The following TMEM63C variants were observed in gnomAD, a reference collection of about 807,000 sequenced individuals.
TMEM63C encodes transmembrane protein 63C, also known as osmosensitive cation channel TMEM63C.
A neutral mutation model predicts 99.2 loss-of-function variants in TMEM63C; 32 were observed. The observed-to-expected ratio is 0.32, with a 90% CI of 0.24 to 0.43. The LOEUF is 0.43. Among genes scored for constraint, TMEM63C ranks in the 20% least tolerant of loss-of-function variants. The probability of loss-of-function intolerance (pLI) is 1.00; values close to 1 mark genes in which losing one functional copy is unlikely to be tolerated. For synonymous variants in TMEM63C, 376 were observed against 397.9 expected, an observed-to-expected ratio of 0.94 and a Z score of 0.66; for missense variants, 826 against 1,053.0, an observed-to-expected ratio of 0.78 and a Z score of 2.98.
At position 77,257,676 on chromosome 14, in the gene TMEM63C, A is replaced by T. The variant is rs761696851; in HGVS notation, c.*950A>T. 5 of 152,210 alleles carry T rather than the reference A, an allele frequency of 3.3e-5. No individual in the cohort carries two copies. Among genetic ancestry groups the T allele is most frequent in the Non-Finnish European group, 4.4e-5 (3 of 68,074 alleles). 9.4% of individuals were successfully genotyped at this position (152,210 alleles called of 1,614,324 possible). On this transcript the variant is annotated 3_prime_UTR_variant, in exon 24 of 24. Transcript: ENST00000298351. ...AAAAGCGTCTCCTGCCTCCTACCCA[A>T]CTGAGTGCCTGGGCCCCCAGCTTGG...
In TMEM63C at chr14:77,244,232, C is replaced by T. The variant is rs1889231716; in HGVS notation, c.1342-117C>T. Reference sequence around the variant, plus strand: ...GAAAGCCAGTGAGAAGGGCCAGGCCCCTTGCAGCCTCCAGGAGAGCAAGCC... The same window carrying T: ...GAAAGCCAGTGAGAAGGGCCAGGCCTCTTGCAGCCTCCAGGAGAGCAAGCC... On this transcript the variant is annotated intron_variant, in intron 15 of 23. Transcript: ENST00000298351. The T allele has an allele frequency of 7.7e-6, 6 of 775,566 alleles. No homozygotes were observed. The East Asian group carries it at 1.5e-4, about 19-fold the overall frequency. 48.0% of individuals were successfully genotyped at this position (775,566 alleles called of 1,614,324 possible). A position where few individuals can be genotyped will look rare whatever the true frequency, so the allele number is the denominator to read the frequency against.
At chr14:77,227,348 T>C (rs449773) in intron 6 of TMEM63C, among the ~76,000 whole-genome samples, 96,412 of 151,886 alleles carry the variant, frequency 0.63, 33,586 homozygotes, top group Non-Finnish European at 0.77. Context: ...CTACAGTCAG[T>C]AGGTTGTGGC....
At chr14:77,239,842 G>C in intron 12 of TMEM63C, 116 bp downstream of exon 12, 1 of 1,391,966 alleles carries the variant, frequency 7.2e-7, no homozygotes, top group South Asian at 1.4e-5. Context: ...CTGCTCTAGT[G>C]CTCCCCACCC....
At chr14:77,251,668 G>C in intron 21 of TMEM63C, 121 bp from the exon 22 acceptor site, 1 of 727,620 alleles carries the variant, frequency 1.4e-6, no homozygotes, top group Non-Finnish European at 2.4e-6. Context: ...GTTGTTATCA[G>C]AGGAGGACTG....
At chr14:77,224,323 A>G (rs364699) in intron 5 of TMEM63C, among the ~76,000 whole-genome samples, 31,241 of 151,832 alleles carry the variant, frequency 0.21, 3,256 homozygotes, top group Non-Finnish European at 0.22. Flanking sequence ...TCCCTGTGTC[A>G]GGTTGGCTGA....
chr14:77,212,866 G>C (rs565112601), intron 1 of TMEM63C, among the ~76,000 whole-genome samples: 36 of 152,334 alleles, frequency 2.4e-4, no homozygotes, highest in African/African-American at 8.2e-4. Flanking sequence ...TCCAAGCTTA[G>C]TGGCTGGGGC....
At chr14:77,237,302 G>A (rs759137522) in intron 9 of TMEM63C, among the ~76,000 whole-genome samples, 20 of 152,100 alleles carry the variant, frequency 1.3e-4, no homozygotes, top group South Asian at 8.3e-4. Context: ...CCCGTGCCTC[G>A]CCCTTCTGCA....
chr14:77,250,115 G>C (rs974754532), intron 21 of TMEM63C, among the ~76,000 whole-genome samples: 1 of 152,190 alleles, frequency 6.6e-6, no homozygotes, highest in African/African-American at 2.4e-5. Flanking sequence ...GATTATAAGC[G>C]TAAGCCGCCG....
intron 16 of TMEM63C, among the ~76,000 whole-genome samples, 195 bp from the exon 17 acceptor site, chr14:77,245,745 A>AC (rs1243672272): frequency 2.6e-5 from 4 of 152,028 alleles, no homozygotes; most frequent in Non-Finnish European, 5.9e-5. Context: ...GGAAAGACCC[A>AC]CCCCCCATAA....
chr14:77,246,532 C>A, intron 17 of TMEM63C, 77 bp from the exon 18 acceptor site: 1 of 1,266,256 alleles, frequency 7.9e-7, no homozygotes, highest in Non-Finnish European at 1.1e-6. Context: ...GGAGATTGGG[C>A]AAGGGAGGAT....
chr14:77,219,567 C>A lies in TMEM63C; in HGVS notation c.220C>A (p.His74Asn), dbSNP rs1292288610. 1 of 1,613,950 alleles carries A rather than the reference C, an allele frequency of 6.2e-7. No individual in the cohort carries two copies. Among genetic ancestry groups the A allele is most frequent in the Admixed American group, 1.7e-5 (1 of 60,030 alleles). The change falls in exon 4 of 24, where the codon CAC becomes AAC. Residue 74 changes from histidine to asparagine, a missense_variant. Coordinates refer to ENST00000298351, the MANE Select transcript of TMEM63C (RefSeq NM_020431.4). ...CTATGGGCGCCTGGCTCTGCTGATA[C>A]ACAATGACAGGTGAGGAGGGGTCGA... ...WDYGRLALLI[H>N]NDSLTSLIYG...
chr14:77,226,292 C>T (rs1420914407), intron 6 of TMEM63C, among the ~76,000 whole-genome samples: 1 of 152,174 alleles, frequency 6.6e-6, no homozygotes, highest in Non-Finnish European at 1.5e-5. Flanking sequence ...TGTCAGGGAC[C>T]CAGCATCTGG....
chr14:77,248,224 C>A, intron 18 of TMEM63C, 123 bp from the exon 19 acceptor site: 3 of 787,048 alleles, frequency 3.8e-6, no homozygotes, highest in South Asian at 3.6e-5. Context: ...TTCTCCTTGT[C>A]TGTATCTGTA....
intron 12 of TMEM63C, among the ~76,000 whole-genome samples, chr14:77,240,168 C>T (rs1889142047): frequency 6.6e-6 from 1 of 152,236 alleles, no homozygotes; most frequent in Non-Finnish European, 1.5e-5. Context: ...CCCAGAGATT[C>T]ACCCTCTCTC....
chr14:77,248,493 G>A lies in TMEM63C; in HGVS notation c.1748G>A (p.Arg583Lys), dbSNP rs777458181. ...TTCTTCTCTAGATCAGAGCCAGAGA[G>A]AGTCAACATCAGAAAGGTACAGACT... is the stretch of plus-strand genomic sequence containing the variant. Reference protein sequence around the residue: ...RLFFSRSEPERVNIRKNQAID... With the variant: ...RLFFSRSEPEKVNIRKNQAID... The change falls in exon 19 of 24, where the codon AGA becomes AAA. Residue 583 changes from arginine (R) to lysine (K), a missense_variant. By Grantham distance (26) the Arg-to-Lys change is conservative (BLOSUM62 2). Transcript: ENST00000298351. 1.0e-5 allele frequency: 16 copies of A among 1,588,180 alleles called. No individual in the cohort carries two copies. In the East Asian group the frequency reaches 2.1e-4, roughly 21 times the overall value.
At chr14:77,238,865 C>T (rs1889107508) in intron 10 of TMEM63C, 98 bp downstream of exon 10, 10 of 953,910 alleles carry the variant, frequency 1.0e-5, no homozygotes, top group Non-Finnish European at 1.5e-5. Context: ...GATGGTGGGA[C>T]TGGGACACCC....
At chr14:77,249,258 G>T (rs766929343) in intron 20 of TMEM63C, 33 bp from the exon 21 acceptor site, 2 of 1,609,874 alleles carry the variant, frequency 1.2e-6, no homozygotes, top group African/African-American at 2.7e-5. Flanking sequence ...ACTTGAAGGG[G>T]CCACTGAGTA....
chr14:77,217,412 T>C (rs1046223190), intron 2 of TMEM63C, among the ~76,000 whole-genome samples: 1 of 152,218 alleles, frequency 6.6e-6, no homozygotes, highest in African/African-American at 2.4e-5. Flanking sequence ...CCACTTTGTC[T>C]CCCCAGTAGA....
chr14:77,189,777 G>A (rs1333132553), intron 1 of TMEM63C, among the ~76,000 whole-genome samples: 1 of 152,210 alleles, frequency 6.6e-6, no homozygotes, highest in African/African-American at 2.4e-5. Flanking sequence ...TCAGGGAACT[G>A]GCAGGTTTCA....
Sources: allele counts gnomAD v4.1 joint callset (sites outside exome capture counted in the v4.1 genomes callset), GRCh38; gene constraint gnomAD v4.1.1; transcripts MANE v1.5; gene names NCBI Gene and HGNC (gene_info 2026-07-23, HGNC 2026-07-21).